Variants in NTM observed in about 807,000 individuals in gnomAD.
NTM encodes the protein IgLON family member 2.
NTM carries 13 observed loss-of-function variants against 42.1 expected under a neutral mutation model. That is an observed-to-expected ratio of 0.31 (90% CI 0.20 to 0.49). The LOEUF (loss-of-function observed/expected upper bound fraction) is 0.49, where lower values mean the gene tolerates loss of function less well. Among genes scored for constraint, NTM ranks in the 20% least tolerant of loss-of-function variants. The probability of loss-of-function intolerance (pLI) is 0.99; values close to 1 mark genes in which losing one functional copy is unlikely to be tolerated. For synonymous variants in NTM, 187 were observed against 179.2 expected, an observed-to-expected ratio of 1.04 and a Z score of -0.35; for missense variants, 373 against 452.8, an observed-to-expected ratio of 0.82 and a Z score of 1.60.
At chr11:131,792,452 T>A (rs922890172) in intron 1 of NTM, among the ~76,000 whole-genome samples, 2 of 152,150 alleles carry the variant, frequency 1.3e-5, no homozygotes, top group African/African-American at 2.4e-5. Flanking sequence ...CCAAGCCGGG[T>A]TGGATTTAAG....
chr11:131,468,464 C>G (rs1223359725), intron 1 of NTM, among the ~76,000 whole-genome samples: 1 of 152,212 alleles, frequency 6.6e-6, no homozygotes, highest in African/African-American at 2.4e-5. Flanking sequence ...ATTCCCTTAC[C>G]TCCACCCCAA....
intron 3 of NTM, among the ~76,000 whole-genome samples, chr11:132,157,382 T>A (rs1385452005): frequency 1.3e-5 from 2 of 152,204 alleles, no homozygotes; most frequent in Non-Finnish European, 2.9e-5. Context: ...GTAAATGCAA[T>A]GAGGCATCAG....
At chr11:131,397,763 G>A (rs34690063) in intron 1 of NTM, among the ~76,000 whole-genome samples, 5,016 of 152,216 alleles carry the variant, frequency 0.033, 100 homozygotes, top group Middle Eastern at 0.058. Flanking sequence ...CACCAGCCAT[G>A]CCTTCTCTTT....
intron 2 of NTM, among the ~76,000 whole-genome samples, chr11:131,987,831 C>T (rs2135049016): frequency 6.6e-6 from 1 of 152,304 alleles, no homozygotes; most frequent in East Asian, 1.9e-4. Context: ...GATTAGCAAT[C>T]ATTTGCTTAG....
intron 3 of NTM, among the ~76,000 whole-genome samples, chr11:132,160,176 G>T (rs527813864): frequency 4.7e-4 from 72 of 152,334 alleles, no homozygotes; most frequent in Admixed American, 1.7e-3. Flanking sequence ...GCAGCATGCT[G>T]CCCATTTGGG....
chr11:132,187,240 TGTGTGTGCGTGTGC>T (rs2078570008), intron 3 of NTM, among the ~76,000 whole-genome samples: 1 of 151,474 alleles, frequency 6.6e-6, no homozygotes, highest in African/African-American at 2.4e-5. Flanking sequence ...TGTGTGTGTG[TGTGTGTGCGTGTGC>T]GTGTTTTAAG....
intron 1 of NTM, chr11:131,661,359 G>A (rs2068044258): frequency 1.2e-5 from 2 of 162,646 alleles, no homozygotes; most frequent in African/African-American, 2.4e-5. Flanking sequence ...TGGAGAGGCA[G>A]GATTAAAACA....
At chr11:131,866,045 TA>T (rs1565647418) in intron 1 of NTM, among the ~76,000 whole-genome samples, 2 of 143,404 alleles carry the variant, frequency 1.4e-5, no homozygotes, top group African/African-American at 5.2e-5. Context: ...ACACACATGC[TA>T]CACACACACT....
At chr11:131,782,039 G>A (rs1324253553) in intron 1 of NTM, among the ~76,000 whole-genome samples, 2 of 152,212 alleles carry the variant, frequency 1.3e-5, no homozygotes, top group African/African-American at 2.4e-5. Flanking sequence ...CAGCTAGAGT[G>A]GAGAGATTTT....
chr11:131,666,806 T>C (rs911568416), intron 1 of NTM, among the ~76,000 whole-genome samples: 1 of 152,106 alleles, frequency 6.6e-6, no homozygotes, highest in Non-Finnish European at 1.5e-5. Flanking sequence ...ACACTACCAT[T>C]CCAGTGGGAT....
intron 1 of NTM, among the ~76,000 whole-genome samples, chr11:131,638,985 A>G (rs75217203): frequency 0.018 from 2,806 of 152,310 alleles, 78 homozygotes; most frequent in African/African-American, 0.06. Context: ...TCTTCACAGC[A>G]CCTTCATCGG....
intron 2 of NTM, among the ~76,000 whole-genome samples, chr11:131,970,575 CTG>C (rs2063399032): frequency 6.6e-6 from 1 of 152,238 alleles, no homozygotes; most frequent in South Asian, 2.1e-4. Context: ...GTCCTAGCCT[CTG>C]GGATTCAGCA....
At chr11:131,775,282 A>C (rs1482626776) in intron 1 of NTM, among the ~76,000 whole-genome samples, 1 of 152,238 alleles carries the variant, frequency 6.6e-6, no homozygotes, top group Non-Finnish European at 1.5e-5. Flanking sequence ...TACTTGGTTT[A>C]GTTTACTTAT....
chr11:132,090,714 C>T (rs1257617775), intron 2 of NTM, among the ~76,000 whole-genome samples: 1 of 152,142 alleles, frequency 6.6e-6, no homozygotes, highest in Non-Finnish European at 1.5e-5. Flanking sequence ...CCCATCCAGC[C>T]TAGATGTGGC....
intron 1 of NTM, among the ~76,000 whole-genome samples, chr11:131,659,693 T>C (rs1041085266): frequency 1.1e-4 from 16 of 152,184 alleles, no homozygotes; most frequent in African/African-American, 3.1e-4. Context: ...GTCTTTAACA[T>C]ACCAATGTGA....
In NTM at chr11:131,593,423, G is replaced by A. The variant is rs147219184; in HGVS notation, c.82+222535G>A. Among the ~76,000 whole-genome samples, 10 of 152,282 alleles carry A rather than the reference G, an allele frequency of 6.6e-5. No individual in the cohort carries two copies. The East Asian group carries it at 1.5e-3, about 24-fold the overall frequency. On this transcript the variant is annotated intron_variant, in intron 1 of 8. Transcript: ENST00000683400. ...GCTGGCTGGGACTTCCCAACCCATCGTGTCAGGCAGGGGACTGAGCCTCAC... is the reference window on the plus strand; with the variant it reads ...GCTGGCTGGGACTTCCCAACCCATCATGTCAGGCAGGGGACTGAGCCTCAC...
At chr11:132,101,041 A>G (rs2061560205) in intron 2 of NTM, among the ~76,000 whole-genome samples, 1 of 152,180 alleles carries the variant, frequency 6.6e-6, no homozygotes, top group Non-Finnish European at 1.5e-5. Context: ...ATGAAAGCAG[A>G]CCTGTTGTCT....
intron 2 of NTM, among the ~76,000 whole-genome samples, chr11:131,923,851 C>T (rs1399008609): frequency 1.3e-5 from 2 of 152,210 alleles, no homozygotes; most frequent in Non-Finnish European, 2.9e-5. Context: ...ACCCTCCTCC[C>T]ATCCCCAGTT....
chr11:131,663,749 T>C (rs2068508367), intron 1 of NTM, among the ~76,000 whole-genome samples: 1 of 152,214 alleles, frequency 6.6e-6, no homozygotes. Flanking sequence ...TTTTTTCTTT[T>C]TTAGCTAAGG....
Sources: gnomAD v4.1 joint callset for allele counts (sites outside exome capture counted in the v4.1 genomes callset) on GRCh38, gnomAD v4.1.1 for gene constraint, MANE v1.5 for transcripts, NCBI Gene and HGNC (gene_info 2026-07-23, HGNC 2026-07-21) for gene names.